The following DPRX variants were observed in gnomAD, a reference collection of about 807,000 sequenced individuals.
DPRX encodes the protein divergent-paired related homeobox.
In DPRX, 11 loss-of-function variants were observed where a neutral mutation model predicts 8.4. That is an observed-to-expected ratio of 1.31 (90% CI 0.82 to 2.17). The LOEUF is 2.17. Ranked by LOEUF, DPRX falls within the 30% of genes most tolerant of loss-of-function variation. DPRX has a pLI of 0.00. For synonymous variants in DPRX, 72 were observed against 87.0 expected (o/e 0.83, Z 0.96); for missense variants, 211 against 236.7 (o/e 0.89, Z 0.71).
At chr19:53,610,151 CA>C in the DPRX span, among the ~76,000 whole-genome samples, 14,514 of 77,670 alleles carry the variant, frequency 0.19, 1,310 homozygotes, top group Middle Eastern at 0.34. Flanking sequence ...AACTGTGTCT[CA>C]AAAAAAAAAA....
chr19:53,618,419 C>T, the DPRX span, among the ~76,000 whole-genome samples: 2 of 151,372 alleles, frequency 1.3e-5, no homozygotes, highest in Non-Finnish European at 2.9e-5. Context: ...TGAACAATAA[C>T]ATGTATGAAA....
intron 1 of DPRX, among the ~76,000 whole-genome samples, chr19:53,632,737 C>T (rs929830924): frequency 7.2e-5 from 11 of 151,962 alleles, no homozygotes; most frequent in Admixed American, 1.3e-4. Context: ...AGCCTCGGTG[C>T]CCGGCCGCGG....
chr19:53,620,825 C>A, the DPRX span, among the ~76,000 whole-genome samples: 1 of 152,132 alleles, frequency 6.6e-6, no homozygotes, highest in African/African-American at 2.4e-5. Flanking sequence ...AATTCCTGAC[C>A]TCAGGTGATC....
chr19:53,613,809 C>G, the DPRX span, among the ~76,000 whole-genome samples: 1 of 152,110 alleles, frequency 6.6e-6, no homozygotes, highest in South Asian at 2.1e-4. Flanking sequence ...ATGAGCCCCC[C>G]TAAATAATTC....
At chr19:53,614,015 G>A in the DPRX span, among the ~76,000 whole-genome samples, 1 of 150,944 alleles carries the variant, frequency 6.6e-6, no homozygotes, top group Non-Finnish European at 1.5e-5. Flanking sequence ...GCAGTGGCCT[G>A]ATCTCGGCTC....
the DPRX span, among the ~76,000 whole-genome samples, chr19:53,602,973 T>TTATA: frequency 1.3e-5 from 2 of 151,418 alleles, no homozygotes; most frequent in African/African-American, 2.4e-5. Flanking sequence ...ACTTTTAATT[T>TTATA]TATATATATA....
At chr19:53,633,965 G>A (rs917148766) in intron 1 of DPRX, among the ~76,000 whole-genome samples, 1 of 152,086 alleles carries the variant, frequency 6.6e-6, no homozygotes, top group African/African-American at 2.4e-5. Context: ...CAGAAAAAAA[G>A]GATGGAGGAA....
the DPRX span, among the ~76,000 whole-genome samples, chr19:53,620,101 G>A: frequency 2.6e-5 from 4 of 151,768 alleles, no homozygotes; most frequent in Non-Finnish European, 4.4e-5. Context: ...ACAGGGTCTC[G>A]CTCTGTCCCC....
chr19:53,613,848 A>C, the DPRX span, among the ~76,000 whole-genome samples: 9 of 152,112 alleles, frequency 5.9e-5, no homozygotes, highest in African/African-American at 2.2e-4. Flanking sequence ...ATGACGAAGG[A>C]GATTGAGGAT....
At chr19:53,601,160 G>A in the DPRX span, 2 of 426,058 alleles carry the variant, frequency 4.7e-6, no homozygotes, top group African/African-American at 2.0e-5. Context: ...GGGACTACAG[G>A]CACACCCCAC....
chr19:53,603,211 C>T, the DPRX span: 7 of 408,892 alleles, frequency 1.7e-5, no homozygotes, highest in Non-Finnish European at 3.0e-5. Context: ...TCCACTGTGC[C>T]CGGCCAAAAG....
upstream of DPRX, among the ~76,000 whole-genome samples, chr19:53,631,773 AAAAG>A (rs1431836968): frequency 1.3e-5 from 2 of 152,050 alleles, no homozygotes; most frequent in African/African-American, 4.8e-5. Context: ...GAAAAAGAAA[AAAAG>A]AAAAGAAATT....
the DPRX span, among the ~76,000 whole-genome samples, chr19:53,625,344 G>C: frequency 1.2e-4 from 18 of 152,204 alleles, no homozygotes; most frequent in South Asian, 2.1e-3. Flanking sequence ...ATGAGCCAGC[G>C]TGTCTGGCCC....
At chr19:53,608,917 T>C in the DPRX span, among the ~76,000 whole-genome samples, 339 of 122,616 alleles carry the variant, frequency 2.8e-3, 1 homozygote, top group African/African-American at 0.01. Flanking sequence ...ATCGCGCCAC[T>C]GCACTCCAGC....
chr19:53,633,274 A>G (rs1265206196), intron 1 of DPRX, among the ~76,000 whole-genome samples: 2 of 152,216 alleles, frequency 1.3e-5, no homozygotes, highest in African/African-American at 4.8e-5. Context: ...ACAGCAGTAC[A>G]CTGTCTCAAG....
intron 1 of DPRX, among the ~76,000 whole-genome samples, chr19:53,634,301 T>G (rs1035511930): frequency 9.9e-5 from 15 of 152,092 alleles, no homozygotes; most frequent in African/African-American, 2.9e-4. Context: ...CATGGTGGCG[T>G]GCGCCTGTAA....
chr19:53,621,941 C>T, the DPRX span, among the ~76,000 whole-genome samples: 2 of 152,138 alleles, frequency 1.3e-5, no homozygotes, highest in Non-Finnish European at 2.9e-5. Context: ...CAAACCATTA[C>T]TGATACTCAT....
chr19:53,606,850 A>G, the DPRX span: 3 of 152,686 alleles, frequency 2.0e-5, no homozygotes, highest in Non-Finnish European at 4.4e-5. This position sits in a 1 kb window ranked among gnomAD's most constrained non-coding sequence, Gnocchi z 4.8. Context: ...CCTCTTCCCC[A>G]TCTGAGAACA....
chr19:53,607,432 C>T, the DPRX span, among the ~76,000 whole-genome samples: 1 of 152,164 alleles, frequency 6.6e-6, no homozygotes, highest in East Asian at 1.9e-4. Context: ...GTGGTGCACA[C>T]CTCTAGTCCT....
Sources: allele counts gnomAD v4.1 joint callset (sites outside exome capture counted in the v4.1 genomes callset), GRCh38; gene constraint gnomAD v4.1.1; non-coding constraint Gnocchi (gnomAD v3.1); transcripts MANE v1.5; gene names NCBI Gene and HGNC (gene_info 2026-07-23, HGNC 2026-07-21).